The following LRBA variants were observed in gnomAD, a reference collection of about 807,000 sequenced individuals.
The protein encoded by LRBA is LPS responsive beige-like anchor protein.
Under a neutral mutation model 330.0 loss-of-function variants are expected in LRBA, and 176 were observed. That is an observed-to-expected ratio of 0.53 (90% confidence interval 0.47 to 0.60). The LOEUF is 0.60. Among genes scored for constraint, LRBA ranks in the 20% least tolerant of loss-of-function variants. The probability of loss-of-function intolerance (pLI) is 0.00; values close to 1 mark genes in which losing one functional copy is unlikely to be tolerated. For synonymous variants in LRBA, 1,230 were observed against 1,193.0 expected, an observed-to-expected ratio of 1.03 and a Z score of -0.64; for missense variants, 3,259 against 3,444.8, an observed-to-expected ratio of 0.95 and a Z score of 1.35.
chr4:150,996,209 CA>C (rs1362741512), intron 2 of LRBA, among the ~76,000 whole-genome samples: 2 of 152,040 alleles, frequency 1.3e-5, no homozygotes, highest in Non-Finnish European at 2.9e-5. Context: ...CATCCTATGA[CA>C]ATGAGAATTT....
intron 40 of LRBA, among the ~76,000 whole-genome samples, chr4:150,543,162 G>A (rs896450103): frequency 6.6e-6 from 1 of 152,112 alleles, no homozygotes; most frequent in Non-Finnish European, 1.5e-5. Flanking sequence ...CCTGCCAAAT[G>A]TTGGGACTTG....
At chr4:150,875,248 G>A (rs1280351614) in intron 17 of LRBA, among the ~76,000 whole-genome samples, 1 of 152,180 alleles carries the variant, frequency 6.6e-6, no homozygotes, top group Non-Finnish European at 1.5e-5. Context: ...CACCATTCCG[G>A]TGCAGAAATC....
intron 46 of LRBA, among the ~76,000 whole-genome samples, chr4:150,427,329 G>C (rs565001444): frequency 6.6e-6 from 1 of 151,982 alleles, no homozygotes; most frequent in Non-Finnish European, 1.5e-5. Context: ...AAATATTCAG[G>C]GTTTCAAGTA....
chr4:150,758,838 GT>G (rs1734683448), intron 35 of LRBA, among the ~76,000 whole-genome samples: 1 of 151,688 alleles, frequency 6.6e-6, no homozygotes, highest in African/African-American at 2.4e-5. Context: ...GCCTCTCAAA[GT>G]GCTGGAATTA....
intron 48 of LRBA, among the ~76,000 whole-genome samples, chr4:150,344,339 T>C (rs1291299325): frequency 6.6e-6 from 1 of 152,166 alleles, no homozygotes; most frequent in African/African-American, 2.4e-5. Context: ...GCTTAAATTA[T>C]TTTCTTTATT....
At chr4:150,718,107 T>C (rs1230407757) in intron 36 of LRBA, among the ~76,000 whole-genome samples, 1 of 152,182 alleles carries the variant, frequency 6.6e-6, no homozygotes, top group East Asian at 1.9e-4. Context: ...ATATTCTGTT[T>C]ATAACCATAA....
chr4:150,682,810 C>G (rs1312194106), intron 37 of LRBA, among the ~76,000 whole-genome samples: 1 of 151,954 alleles, frequency 6.6e-6, no homozygotes, highest in African/African-American at 2.4e-5. Flanking sequence ...ATAATGTTTT[C>G]TAATAGCAAA....
At chr4:150,411,715 A>G (rs1253124164) in intron 47 of LRBA, among the ~76,000 whole-genome samples, 1 of 152,170 alleles carries the variant, frequency 6.6e-6, no homozygotes, top group Non-Finnish European at 1.5e-5. Flanking sequence ...AGGGCTGAAA[A>G]CAGGGATTGT....
intron 50 of LRBA, among the ~76,000 whole-genome samples, chr4:150,318,523 A>G (rs1732030162): frequency 6.6e-6 from 1 of 152,162 alleles, no homozygotes; most frequent in South Asian, 2.1e-4. Flanking sequence ...GTTTGTTTTA[A>G]ATCAAGGCAT....
intron 44 of LRBA, among the ~76,000 whole-genome samples, chr4:150,462,119 T>C (rs888549541): frequency 6.6e-6 from 1 of 151,678 alleles, no homozygotes; most frequent in Non-Finnish European, 1.5e-5. Flanking sequence ...TCCAAGGAGG[T>C]TGTCAAAATA....
rs759162043 is a variant in LRBA at position 150,896,443 on chromosome 4, T to A, written c.2018A>T (p.Lys673Met). The A allele has an allele frequency of 6.5e-7, 1 of 1,537,030 alleles. No homozygotes were observed. The highest frequency in any genetic ancestry group is 1.2e-5 in the South Asian group (1 of 85,592). The change falls in exon 16 of 57, where the codon AAG (lysine) becomes ATG (methionine). Residue 673 changes from lysine (K) to methionine (M), a missense_variant. Lys to Met is a moderately conservative substitution (Grantham distance 95). Transcript: ENST00000651943. ...KQLVMKDSGV[K>M]EDELQAILNY... ...AAGAATGGCCTGTAATTCATCTTCC[T>A]TTACTCCAGAATCCTTCAAAAACAT... is the stretch of plus-strand genomic sequence containing the variant.
At chr4:150,652,627 T>C (rs559304970) in intron 37 of LRBA, among the ~76,000 whole-genome samples, 1 of 152,316 alleles carries the variant, frequency 6.6e-6, no homozygotes, top group Non-Finnish European at 1.5e-5. Context: ...TTTTTAACAA[T>C]ATATTCAAAA....
intron 34 of LRBA, among the ~76,000 whole-genome samples, chr4:150,783,232 CT>C (rs1044641869): frequency 2.0e-5 from 3 of 152,254 alleles, no homozygotes; most frequent in African/African-American, 7.2e-5. Context: ...CTCACTGCCC[CT>C]AACCAACTTC....
At chr4:150,645,338 T>C (rs1581909927) in intron 37 of LRBA, among the ~76,000 whole-genome samples, 1 of 151,786 alleles carries the variant, frequency 6.6e-6, no homozygotes, top group Non-Finnish European at 1.5e-5. Context: ...AGCCCATATA[T>C]GGGAAATTTA....
At chr4:150,463,570 T>C (rs988219771) in intron 44 of LRBA, among the ~76,000 whole-genome samples, 1 of 151,846 alleles carries the variant, frequency 6.6e-6, no homozygotes, top group Non-Finnish European at 1.5e-5. Flanking sequence ...TGTAGCAAAA[T>C]AAAAAAGCAA....
At chr4:150,937,489 TG>T (rs1735196739) in intron 2 of LRBA, among the ~76,000 whole-genome samples, 1 of 152,176 alleles carries the variant, frequency 6.6e-6, no homozygotes, top group Non-Finnish European at 1.5e-5. Flanking sequence ...AATGTGAAAA[TG>T]TAATCTTATT....
rs373914962 is a variant in LRBA, at chr4:150,307,400, G to A, written c.7849+2829C>T. ...AAAAGAGTGGTTTACAGTTCTATTA[G>A]TTCTATATTACAGTGTAAAATTCAT... On this transcript the variant is annotated intron_variant, in intron 52 of 56. Transcript: ENST00000651943. Among the ~76,000 whole-genome samples, 4 of 152,010 alleles carry A rather than the reference G, an allele frequency of 2.6e-5. No individual in the cohort carries two copies. In the East Asian group the frequency reaches 7.8e-4, roughly 29 times the overall value.
chr4:150,588,104 C>T lies in LRBA; in HGVS notation c.6274G>A (p.Glu2092Lys), dbSNP rs769501419. 1.2e-5 allele frequency: 19 copies of T among 1,611,980 alleles called. No homozygotes were observed. The highest frequency in any genetic ancestry group is 3.3e-5 in the South Asian group (3 of 90,570). ...VKGTLSVTSSELYFEVDEEDP... is the reference protein window; with the variant it reads ...VKGTLSVTSSKLYFEVDEEDP... ...TCTTCATCCACCTCAAAATAGAGTT[C>T]GGAGGAGGTGACAGAAAGAGTGCCC... The change falls in exon 40 of 57, where the codon GAA becomes AAA. Residue 2092 changes from glutamate to lysine, a missense_variant. Coordinates refer to ENST00000651943, the MANE Select transcript of LRBA (RefSeq NM_001364905.1).
intron 47 of LRBA, among the ~76,000 whole-genome samples, chr4:150,360,190 G>A (rs1005362971): frequency 2.6e-5 from 4 of 151,332 alleles, no homozygotes; most frequent in African/African-American, 9.7e-5. Context: ...ACAGGGTCTC[G>A]CTGTGTTGCC....
Sources: gnomAD v4.1 joint callset for allele counts (sites outside exome capture counted in the v4.1 genomes callset) on GRCh38, gnomAD v4.1.1 for gene constraint, MANE v1.5 for transcripts, NCBI Gene and HGNC (gene_info 2026-07-23, HGNC 2026-07-21) for gene names.